The following SAMD12 variants were observed in gnomAD, a reference collection of about 807,000 sequenced individuals.
SAMD12 encodes sterile alpha motif domain-containing protein 12.
In SAMD12, 9 loss-of-function variants were observed where a neutral mutation model predicts 15.0. That is an observed-to-expected ratio of 0.60 (90% CI 0.36 to 1.05). SAMD12 has a LOEUF of 1.05. Among genes scored for constraint, SAMD12 ranks in the 50% least tolerant of loss-of-function variants. The pLI is 0.01. For synonymous variants in SAMD12, 86 were observed against 90.1 expected (o/e 0.96, Z 0.25); for missense variants, 230 against 234.2 (o/e 0.98, Z 0.12).
intron 2 of SAMD12, among the ~76,000 whole-genome samples, chr8:118,566,950 T>A (rs982321562): frequency 1.3e-5 from 2 of 152,192 alleles, no homozygotes; most frequent in Non-Finnish European, 2.9e-5. Flanking sequence ...GGCAGCCAAT[T>A]TGAATCCTGG....
the SAMD12 span, among the ~76,000 whole-genome samples, chr8:118,150,000 T>C: frequency 4.6e-5 from 7 of 152,188 alleles, no homozygotes; most frequent in Non-Finnish European, 1.0e-4. Context: ...CCACTGAAAG[T>C]GATTTTGCCC....
intron 2 of SAMD12, among the ~76,000 whole-genome samples, chr8:118,484,507 T>C (rs1166639611): frequency 1.3e-5 from 2 of 152,198 alleles, no homozygotes; most frequent in East Asian, 1.9e-4. Flanking sequence ...GCACAGATTG[T>C]GGTGATGGTT....
At chr8:118,497,192 C>A (rs1347280142) in intron 2 of SAMD12, among the ~76,000 whole-genome samples, 1 of 152,072 alleles carries the variant, frequency 6.6e-6, no homozygotes, top group Non-Finnish European at 1.5e-5. Flanking sequence ...ACAGAACTAC[C>A]ATTGGACCCA....
intron 4 of SAMD12, among the ~76,000 whole-genome samples, chr8:118,263,827 G>A (rs922563105): frequency 6.6e-5 from 10 of 152,048 alleles, no homozygotes; most frequent in Middle Eastern, 3.2e-3. Context: ...TCAGGCAGTG[G>A]AGATGGAAAT....
downstream of SAMD12, among the ~76,000 whole-genome samples, chr8:118,374,770 C>A (rs569116237): frequency 6.6e-6 from 1 of 152,068 alleles, no homozygotes; most frequent in African/African-American, 2.4e-5. Context: ...CATTTGCATA[C>A]CCTTTTTGGA....
chr8:118,485,076 C>T (rs899289578), intron 2 of SAMD12, among the ~76,000 whole-genome samples: 1 of 152,142 alleles, frequency 6.6e-6, no homozygotes, highest in Non-Finnish European at 1.5e-5. Context: ...TGGCTTTTCA[C>T]TTGAACTGTT....
chr8:118,225,311 G>A (rs920403473), intron 4 of SAMD12, among the ~76,000 whole-genome samples: 1 of 152,022 alleles, frequency 6.6e-6, no homozygotes, highest in Non-Finnish European at 1.5e-5. Context: ...GTGTAAAAAA[G>A]CTTACAAACC....
chr8:118,281,454 G>A (rs1156664024), intron 4 of SAMD12, among the ~76,000 whole-genome samples: 1 of 152,162 alleles, frequency 6.6e-6, no homozygotes, highest in Non-Finnish European at 1.5e-5. Flanking sequence ...CTAACACAGT[G>A]CTGACTCCAG....
intron 2 of SAMD12, among the ~76,000 whole-genome samples, chr8:118,475,248 CAAAATA>C (rs1823921512): frequency 6.6e-6 from 1 of 151,918 alleles, no homozygotes; most frequent in Non-Finnish European, 1.5e-5. Context: ...TTAAAAAGTA[CAAAATA>C]AAAATAAAAA....
At chr8:118,337,816 C>A (rs1817158543) in intron 4 of SAMD12, among the ~76,000 whole-genome samples, 1 of 152,124 alleles carries the variant, frequency 6.6e-6, no homozygotes, top group Non-Finnish European at 1.5e-5. Flanking sequence ...AGAAGCCGTA[C>A]ATTGATTCCT....
At chr8:118,381,599 CAT>C (rs1351893952) in intron 3 of SAMD12, among the ~76,000 whole-genome samples, 1 of 152,146 alleles carries the variant, frequency 6.6e-6, no homozygotes, top group African/African-American at 2.4e-5. Context: ...GCCAGAGAGA[CAT>C]GTGACAATGG....
At chr8:118,607,347 T>C (rs537342527) in intron 1 of SAMD12, among the ~76,000 whole-genome samples, 1 of 152,230 alleles carries the variant, frequency 6.6e-6, no homozygotes, top group South Asian at 2.1e-4. Context: ...GTGATTCTCC[T>C]GCCCCAGCCT....
At chr8:118,332,494 C>A (rs554806020) in intron 4 of SAMD12, among the ~76,000 whole-genome samples, 1 of 152,158 alleles carries the variant, frequency 6.6e-6, no homozygotes, top group African/African-American at 2.4e-5. Context: ...AGGTGTCGTT[C>A]GTTTATTTAG....
chr8:118,457,025 A>T (rs895280011), intron 2 of SAMD12, among the ~76,000 whole-genome samples: 12 of 152,222 alleles, frequency 7.9e-5, no homozygotes, highest in African/African-American at 2.9e-4. Context: ...GATAAAGGGG[A>T]TAAATACATT....
chr8:118,272,032 C>A (rs1563724748), intron 4 of SAMD12, among the ~76,000 whole-genome samples: 1 of 152,148 alleles, frequency 6.6e-6, no homozygotes, highest in African/African-American at 2.4e-5. Flanking sequence ...CCAGTGGGGA[C>A]TCTGTGTGGG....
the SAMD12 span, among the ~76,000 whole-genome samples, chr8:118,153,540 C>G: frequency 6.6e-6 from 1 of 152,198 alleles, no homozygotes; most frequent in Non-Finnish European, 1.5e-5. Context: ...CCAACTTACA[C>G]AGGTAGCCCA....
At chr8:118,491,539 A>G (rs148296467) in intron 2 of SAMD12, among the ~76,000 whole-genome samples, 2 of 152,322 alleles carry the variant, frequency 1.3e-5, no homozygotes, top group African/African-American at 4.8e-5. Flanking sequence ...TCTCCTATGT[A>G]ACCAATACCC....
intron 3 of SAMD12, among the ~76,000 whole-genome samples, chr8:118,432,232 T>C (rs920934042): frequency 6.6e-6 from 1 of 152,358 alleles, no homozygotes. Context: ...ATCTGTGTCA[T>C]ATCTGAATCT....
intron 2 of SAMD12, among the ~76,000 whole-genome samples, chr8:118,494,635 T>G (rs1450222996): frequency 6.6e-6 from 1 of 152,194 alleles, no homozygotes; most frequent in Non-Finnish European, 1.5e-5. Flanking sequence ...ATTCACCTGG[T>G]TAATTACTAC....
Sources: gnomAD v4.1 joint callset for allele counts (sites outside exome capture counted in the v4.1 genomes callset) on GRCh38, gnomAD v4.1.1 for gene constraint, MANE v1.5 for transcripts, NCBI Gene and HGNC (gene_info 2026-07-23, HGNC 2026-07-21) for gene names.